Variants in TENM3 observed in about 807,000 individuals in gnomAD.
TENM3 encodes the protein teneurin transmembrane protein 3.
TENM3 carries 63 observed loss-of-function variants against 255.1 expected under a neutral mutation model. That is an observed-to-expected ratio of 0.25 (90% CI 0.20 to 0.30). The LOEUF (loss-of-function observed/expected upper bound fraction) is 0.30. TENM3 is among the 10% of genes least tolerant of loss of function. The pLI is 1.00. For missense variants in TENM3, 2,929 were observed against 3,461.1 expected (o/e 0.85, Z 3.86); for synonymous variants, 1,306 against 1,322.3 (o/e 0.99, Z 0.27).
At chr4:181,904,652 C>G in the TENM3 span, among the ~76,000 whole-genome samples, 1 of 152,190 alleles carries the variant, frequency 6.6e-6, no homozygotes, top group African/African-American at 2.4e-5. Context: ...TCACAACACT[C>G]TGTCCTCGCT....
chr4:182,784,232 G>C (rs1765420388), intron 24 of TENM3, among the ~76,000 whole-genome samples: 1 of 152,072 alleles, frequency 6.6e-6, no homozygotes. Context: ...ATGGGTTTTT[G>C]GTGTGGATGT....
At chr4:182,114,282 A>G in the TENM3 span, among the ~76,000 whole-genome samples, 1 of 81,936 alleles carries the variant, frequency 1.2e-5, no homozygotes, top group African/African-American at 3.5e-5. Context: ...TTTTTTGACA[A>G]CTATGAAGTT....
chr4:182,064,660 G>T, the TENM3 span, among the ~76,000 whole-genome samples: 1 of 152,144 alleles, frequency 6.6e-6, no homozygotes, highest in Non-Finnish European at 1.5e-5. Context: ...GAGATGTCAT[G>T]AAAGCAGGGC....
At chr4:181,713,705 C>T in the TENM3 span, among the ~76,000 whole-genome samples, 1 of 151,914 alleles carries the variant, frequency 6.6e-6, no homozygotes, top group Non-Finnish European at 1.5e-5. Context: ...ACTAGATATC[C>T]CTATACTTTC....
At chr4:181,532,444 G>T in the TENM3 span, among the ~76,000 whole-genome samples, 1 of 152,102 alleles carries the variant, frequency 6.6e-6, no homozygotes, top group African/African-American at 2.4e-5. Context: ...GCCATCTCCT[G>T]AAATAAGGCA....
chr4:182,677,912 A>C (rs1755792528), intron 7 of TENM3, among the ~76,000 whole-genome samples: 2 of 152,168 alleles, frequency 1.3e-5, no homozygotes, highest in African/African-American at 2.4e-5. Flanking sequence ...AACTGATTTT[A>C]TTCCAGTTTG....
the TENM3 span, among the ~76,000 whole-genome samples, chr4:181,671,289 C>T: frequency 6.6e-6 from 1 of 152,098 alleles, no homozygotes; most frequent in Non-Finnish European, 1.5e-5. Context: ...ATTAAATACA[C>T]ATAAAGTAAT....
At chr4:181,849,949 T>TCTCTCACACA in the TENM3 span, among the ~76,000 whole-genome samples, 61 of 65,960 alleles carry the variant, frequency 9.2e-4, no homozygotes, top group Non-Finnish European at 1.2e-3. Flanking sequence ...TCTCTCTCTC[T>TCTCTCACACA]CACACACACA....
At chr4:181,467,121 ATATATTTTTT>A in the TENM3 span, among the ~76,000 whole-genome samples, 473 of 20,318 alleles carry the variant, frequency 0.023, 12 homozygotes, top group African/African-American at 0.072. Flanking sequence ...ATATATATAT[ATATATTTTTT>A]TTTTTTTTTT....
At chr4:182,689,463 T>C (rs1420909384) in intron 12 of TENM3, among the ~76,000 whole-genome samples, 2 of 152,216 alleles carry the variant, frequency 1.3e-5, no homozygotes, top group Non-Finnish European at 2.9e-5. Flanking sequence ...CTAATCTTAC[T>C]GACATCCTTG....
At chr4:181,589,637 G>C in the TENM3 span, among the ~76,000 whole-genome samples, 1 of 152,166 alleles carries the variant, frequency 6.6e-6, no homozygotes, top group Non-Finnish European at 1.5e-5. Context: ...ATCAACAGAA[G>C]AAAAGCATAC....
chr4:182,110,175 G>A, the TENM3 span, among the ~76,000 whole-genome samples: 3,184 of 151,744 alleles, frequency 0.021, 99 homozygotes, highest in African/African-American at 0.073. Context: ...AAGGTCGTGG[G>A]ACACAGCCAT....
intron 22 of TENM3, among the ~76,000 whole-genome samples, chr4:182,769,643 A>G (rs118160310): frequency 0.029 from 4,459 of 151,876 alleles, 176 homozygotes; most frequent in South Asian, 0.1. Context: ...AAAATTACAG[A>G]AACAGTGGCA....
At chr4:182,323,364 A>G (rs1030446346) in intron 1 of TENM3, among the ~76,000 whole-genome samples, 1 of 151,336 alleles carries the variant, frequency 6.6e-6, no homozygotes, top group Non-Finnish European at 1.5e-5. Context: ...AAGACATTTG[A>G]GTTCTTAAAA....
chr4:182,783,462 G>T (rs556758292), intron 24 of TENM3, among the ~76,000 whole-genome samples: 3 of 152,136 alleles, frequency 2.0e-5, no homozygotes, highest in Admixed American at 6.5e-5. Context: ...AGGGTAACTC[G>T]ACCTTTCTCT....
intron 22 of TENM3, among the ~76,000 whole-genome samples, chr4:182,757,893 C>G (rs1278400269): frequency 6.6e-6 from 1 of 152,068 alleles, no homozygotes; most frequent in Non-Finnish European, 1.5e-5. Flanking sequence ...AATCTTATAA[C>G]TAGATAAATT....
intron 22 of TENM3, among the ~76,000 whole-genome samples, chr4:182,768,998 T>C (rs2152785513): frequency 6.6e-6 from 1 of 152,312 alleles, no homozygotes; most frequent in South Asian, 2.1e-4. Flanking sequence ...CTGGAGCCTA[T>C]TGCATTGTAC....
chr4:182,262,407 A>T (rs1758863410), intron 1 of TENM3, among the ~76,000 whole-genome samples: 2 of 152,166 alleles, frequency 1.3e-5, no homozygotes, highest in African/African-American at 4.8e-5. Flanking sequence ...AGATTGGCAC[A>T]AAATACAGGT....
At chr4:181,819,356 AAGTAATAAAAATAAT>A in the TENM3 span, among the ~76,000 whole-genome samples, 1 of 152,228 alleles carries the variant, frequency 6.6e-6, no homozygotes, top group Non-Finnish European at 1.5e-5. Flanking sequence ...GAAAGAATAA[AAGTAATAAAAATAAT>A]AGGTCATTCA....
Sources: gnomAD v4.1 joint callset for allele counts (sites outside exome capture counted in the v4.1 genomes callset) on GRCh38, gnomAD v4.1.1 for gene constraint, MANE v1.5 for transcripts, NCBI Gene and HGNC (gene_info 2026-07-23, HGNC 2026-07-21) for gene names.